EYA2: variants seen among roughly 807,000 people sequenced by gnomAD.
The protein encoded by EYA2 is EYA transcriptional coactivator and phosphatase 2.
EYA2 carries 31 observed loss-of-function variants against 69.2 expected under a neutral mutation model. That is an observed-to-expected ratio of 0.45 (90% CI 0.34 to 0.60). The LOEUF (loss-of-function observed/expected upper bound fraction) is 0.60, where lower values mean the gene tolerates loss of function less well. EYA2 is among the 20% of genes least tolerant of loss of function. The probability of loss-of-function intolerance (pLI) is 0.02; values close to 1 mark genes in which losing one functional copy is unlikely to be tolerated. For missense variants in EYA2, 622 were observed against 701.2 expected (o/e 0.89, Z 1.28); for synonymous variants, 257 against 279.4 (o/e 0.92, Z 0.80).
chr20:47,040,151 A>C (rs546209475), intron 5 of EYA2, among the ~76,000 whole-genome samples: 126 of 152,150 alleles, frequency 8.3e-4, no homozygotes, highest in Non-Finnish European at 1.6e-3. Flanking sequence ...AAGATCAAAT[A>C]CTTAATAGAG....
intron 1 of EYA2, among the ~76,000 whole-genome samples, chr20:46,953,366 T>C (rs992004937): frequency 3.9e-5 from 6 of 152,168 alleles, no homozygotes; most frequent in African/African-American, 1.4e-4. Context: ...TCATAGGTAG[T>C]GTTAGAACAA....
rs144464369 is a variant in EYA2, at chr20:47,080,792, G to A, written c.661+6457G>A. Among the ~76,000 whole-genome samples the A allele has an allele frequency of 2.6e-3, 391 of 152,212 alleles. 4 individuals carry two copies. The highest frequency in any genetic ancestry group is 0.018 in the Admixed American group (278 of 15,286). ...ATGGCAGCAGGCAAAGAGAGAACTC[G>A]TGCAGGCGAACTGCCACTTTCTTAA... is the stretch of plus-strand genomic sequence containing the variant. On this transcript the variant is annotated intron_variant, in intron 7 of 15. Coordinates refer to ENST00000327619, the MANE Select transcript of EYA2 (RefSeq NM_005244.5).
chr20:47,081,558 C>T (rs960748059), intron 7 of EYA2, among the ~76,000 whole-genome samples: 8 of 152,038 alleles, frequency 5.3e-5, no homozygotes, highest in East Asian at 3.9e-4. Flanking sequence ...GCACGTGGAG[C>T]ACCTGAGGTC....
Position 46,934,626 on chromosome 20 carries a change from A to G in EYA2, c.-11+39639A>G, listed in dbSNP as rs113630123. Among the ~76,000 whole-genome samples the G allele has an allele frequency of 6.7e-3, 1,016 of 152,294 alleles. 15 individuals carry two copies. Among genetic ancestry groups the G allele is most frequent in the African/African-American group, 0.021 (871 of 41,556 alleles). On this transcript the variant is annotated intron_variant, in intron 1 of 15. Transcript: ENST00000327619. Reference sequence around the variant, plus strand: ...GATGCTGCTAGGGAAGAGGAGGTGGATGCTGGGCAGGTACAGACAACAGAT... The same window carrying G: ...GATGCTGCTAGGGAAGAGGAGGTGGGTGCTGGGCAGGTACAGACAACAGAT...
At chr20:47,090,099 C>G (rs2032027813) in intron 8 of EYA2, among the ~76,000 whole-genome samples, 1 of 152,062 alleles carries the variant, frequency 6.6e-6, no homozygotes. Flanking sequence ...CCTTCATTAT[C>G]AAGTTGCACC....
intron 2 of EYA2, among the ~76,000 whole-genome samples, chr20:46,994,103 A>T (rs1981860775): frequency 6.6e-6 from 1 of 152,252 alleles, no homozygotes; most frequent in African/African-American, 2.4e-5. Flanking sequence ...AGGAACCCAG[A>T]TAACTTTAGG....
At chr20:47,088,317 C>T (rs2031960773) in intron 7 of EYA2, among the ~76,000 whole-genome samples, 1 of 152,210 alleles carries the variant, frequency 6.6e-6, no homozygotes, top group Non-Finnish European at 1.5e-5. Flanking sequence ...CCCATGCAGC[C>T]CCCGTTTACC....
intron 1 of EYA2, among the ~76,000 whole-genome samples, chr20:46,909,921 A>G (rs1274209887): frequency 1.3e-5 from 2 of 152,142 alleles, no homozygotes; most frequent in Admixed American, 6.5e-5. Context: ...CTCCTCAAAC[A>G]TTCTTACTAG....
intron 4 of EYA2, among the ~76,000 whole-genome samples, chr20:47,011,508 C>T (rs912125089): frequency 6.6e-6 from 1 of 152,316 alleles, no homozygotes; most frequent in African/African-American, 2.4e-5. Flanking sequence ...CACTCACCCT[C>T]TCCCCAACCC....
intron 9 of EYA2, among the ~76,000 whole-genome samples, chr20:47,130,316 G>A (rs1232080520): frequency 8.0e-6 from 1 of 124,666 alleles, no homozygotes; most frequent in Non-Finnish European, 1.6e-5. Flanking sequence ...CCAGGTGGGA[G>A]TGCAGTGGCA....
chr20:46,994,516 C>T (rs974264819), intron 2 of EYA2, among the ~76,000 whole-genome samples: 31 of 152,312 alleles, frequency 2.0e-4, no homozygotes, highest in African/African-American at 7.2e-4. Context: ...GCTCTCACTT[C>T]CTGCACCTCC....
chr20:47,143,091 G>A lies in EYA2; in HGVS notation c.921G>A (p.Met307Ile). 1.2e-6 allele frequency: 2 copies of A among 1,613,906 alleles called. No homozygotes were observed. The highest frequency in any genetic ancestry group is 4.5e-5 in the East Asian group (2 of 44,864). Residue 307 changes from methionine to isoleucine, a missense_variant, in exon 10 of 16, where the codon ATG becomes ATA. Met to Ile is a conservative substitution (Grantham distance 10). This residue lies in a region of EYA2 where 257 missense variants were observed against 351.5 expected (regional missense o/e 0.73). Coordinates refer to ENST00000327619, the MANE Select transcript of EYA2 (RefSeq NM_005244.5). ...DTTTSVRIGLMMEEMIFNLAD... is the reference protein window; with the variant it reads ...DTTTSVRIGLIMEEMIFNLAD... ...CGACGTCCGTGCGCATTGGCCTTAT[G>A]ATGGAAGAGATGATCTTCAACCTTG...
In EYA2 at chr20:47,135,849, ACAAAC is replaced by A. The variant is rs1568800729; in HGVS notation, c.889-7209_889-7205del. Among the ~76,000 whole-genome samples, 200 of 75,682 alleles carry A rather than the reference ACAAAC, an allele frequency of 2.6e-3. 13 individuals carry two copies. The highest frequency in any genetic ancestry group is 0.016 in the African/African-American group (126 of 7,796). 49.7% of individuals were successfully genotyped at this position (75,682 alleles called of 152,430 possible). Reference sequence around the variant, plus strand: ...AAAAAAAAAAAAAAAAAACAAACAAACAAACAAAAAACTAATTAATTAATTAATTA... The same window carrying A: ...AAAAAAAAAAAAAAAAAACAAACAAAAAAAAACTAATTAATTAATTAATTA... On this transcript the variant is annotated intron_variant, in intron 9 of 15. Coordinates refer to ENST00000327619, the MANE Select transcript of EYA2 (RefSeq NM_005244.5).
intron 5 of EYA2, among the ~76,000 whole-genome samples, chr20:47,057,413 G>A (rs950925743): frequency 5.9e-5 from 9 of 152,114 alleles, no homozygotes; most frequent in African/African-American, 1.7e-4. Context: ...CTGTGGTCAG[G>A]GTGCTTGAGT....
chr20:47,040,328 G>A (rs934628011), intron 5 of EYA2, among the ~76,000 whole-genome samples: 5 of 152,184 alleles, frequency 3.3e-5, no homozygotes, highest in African/African-American at 7.2e-5. Flanking sequence ...AAGTGGGAAC[G>A]GTCTTGGCAG....
chr20:47,133,184 G>A (rs532452388), intron 9 of EYA2, among the ~76,000 whole-genome samples: 1 of 136,778 alleles, frequency 7.3e-6, no homozygotes. Flanking sequence ...TGTCAGGAAG[G>A]CTCTGCCTGT....
chr20:46,935,661 T>A, intron 1 of EYA2, among the ~76,000 whole-genome samples: 1 of 152,198 alleles, frequency 6.6e-6, no homozygotes, highest in South Asian at 2.1e-4. Flanking sequence ...GGGCTAATAT[T>A]AGTACCTGCT....
chr20:47,015,741 T>C (rs1352303864), intron 4 of EYA2, among the ~76,000 whole-genome samples: 1 of 152,274 alleles, frequency 6.6e-6, no homozygotes, highest in Admixed American at 6.5e-5. Flanking sequence ...GGTCCTAGGA[T>C]GTACCAAAAC....
At chr20:46,903,200 G>A (rs1335021323) in intron 1 of EYA2, among the ~76,000 whole-genome samples, 4 of 152,230 alleles carry the variant, frequency 2.6e-5, no homozygotes, top group Non-Finnish European at 4.4e-5. Flanking sequence ...GTTCTCACCA[G>A]TATCCCATGG....
Sources: gnomAD v4.1 joint callset for allele counts (sites outside exome capture counted in the v4.1 genomes callset) on GRCh38, gnomAD v4.1.1 for gene constraint, gnomAD v4.1.1 regional missense constraint, MANE v1.5 for transcripts, NCBI Gene and HGNC (gene_info 2026-07-23, HGNC 2026-07-21) for gene names.